Variants in GALNT2 observed in about 807,000 individuals in gnomAD.
GALNT2 encodes UDP-GalNAc:polypeptide N-acetylgalactosaminyltransferase 2.
In GALNT2, 31 loss-of-function variants were observed where a neutral mutation model predicts 81.4. The ratio of observed to expected loss-of-function variants is 0.38; its 90% CI spans 0.29 to 0.51. GALNT2 has a LOEUF of 0.51. Among genes scored for constraint, GALNT2 ranks in the 20% least tolerant of loss-of-function variants. The pLI is 0.87. For synonymous variants in GALNT2, 303 were observed against 287.4 expected, an observed-to-expected ratio of 1.05 and a Z score of -0.55; for missense variants, 629 against 765.7, an observed-to-expected ratio of 0.82 and a Z score of 2.11.
chr1:230,120,838 G>T (rs1457944883), intron 1 of GALNT2, among the ~76,000 whole-genome samples: 1 of 152,180 alleles, frequency 6.6e-6, no homozygotes, highest in Non-Finnish European at 1.5e-5. Context: ...TCTCAGGCTA[G>T]ATCATGTTGG....
chr1:230,165,508 T>C (rs557740923), intron 1 of GALNT2, among the ~76,000 whole-genome samples: 2 of 152,236 alleles, frequency 1.3e-5, no homozygotes, highest in East Asian at 1.9e-4. Flanking sequence ...TTTCTTGGCT[T>C]AAAGATTTTC....
chr1:230,254,516 A>G (rs754340895), intron 10 of GALNT2, among the ~76,000 whole-genome samples: 1 of 152,212 alleles, frequency 6.6e-6, no homozygotes, highest in Non-Finnish European at 1.5e-5. Context: ...TCCATAAGGC[A>G]GTCCCTAAGT....
At chr1:230,072,009 C>G (rs1314359176) in intron 1 of GALNT2, among the ~76,000 whole-genome samples, 2 of 152,080 alleles carry the variant, frequency 1.3e-5, no homozygotes, top group Non-Finnish European at 2.9e-5. Flanking sequence ...CTCTGTTGGA[C>G]CTTGGGGTGG....
At chr1:230,136,448 C>T (rs775804003) in intron 1 of GALNT2, among the ~76,000 whole-genome samples, 19 of 152,166 alleles carry the variant, frequency 1.2e-4, no homozygotes, top group Non-Finnish European at 2.1e-4. Context: ...TGTTTCAAAA[C>T]ACACATTCAT....
chr1:230,178,427 G>T, intron 2 of GALNT2, 116 bp downstream of exon 2: 1 of 703,380 alleles, frequency 1.4e-6, no homozygotes. Flanking sequence ...AGGTCAGCAG[G>T]AGACACCGCC....
At chr1:230,276,166 T>TAC (rs1281937571) in intron 15 of GALNT2, among the ~76,000 whole-genome samples, 5 of 151,656 alleles carry the variant, frequency 3.3e-5, no homozygotes, top group Admixed American at 6.6e-5. Flanking sequence ...TATACATATA[T>TAC]ACACACACAC....
chr1:230,192,611 T>C (rs1230875873), intron 2 of GALNT2, among the ~76,000 whole-genome samples: 1 of 152,240 alleles, frequency 6.6e-6, no homozygotes, highest in Non-Finnish European at 1.5e-5. Context: ...AGAAGAGATA[T>C]AGGATGATTC....
At chr1:230,179,095 T>C (rs944840082) in intron 2 of GALNT2, among the ~76,000 whole-genome samples, 9 of 149,594 alleles carry the variant, frequency 6.0e-5, no homozygotes, top group Non-Finnish European at 4.4e-5. Flanking sequence ...TATATTAATA[T>C]TTAATATATA....
At chr1:230,152,684 A>G (rs1000331978) in intron 1 of GALNT2, among the ~76,000 whole-genome samples, 1 of 152,226 alleles carries the variant, frequency 6.6e-6, no homozygotes, top group Non-Finnish European at 1.5e-5. Context: ...AGAAGCTATG[A>G]GAGAACTAGA....
intron 1 of GALNT2, among the ~76,000 whole-genome samples, chr1:230,164,682 C>T (rs937358742): frequency 6.6e-6 from 1 of 152,110 alleles, no homozygotes; most frequent in East Asian, 1.9e-4. Flanking sequence ...TACAGGCGCC[C>T]GCCACCACGC....
At chr1:230,168,081 T>G (rs1662671324) in intron 1 of GALNT2, among the ~76,000 whole-genome samples, 1 of 152,100 alleles carries the variant, frequency 6.6e-6, no homozygotes, top group South Asian at 2.1e-4. Flanking sequence ...AGAAGTGAGC[T>G]GCAGTTGAGA....
At chr1:230,132,229 C>T (rs921545935) in intron 1 of GALNT2, among the ~76,000 whole-genome samples, 32 of 152,200 alleles carry the variant, frequency 2.1e-4, no homozygotes, top group African/African-American at 6.3e-4. Context: ...CAACAGGGTC[C>T]TGGGAGTAAC....
In GALNT2 at chr1:230,185,581, T is replaced by C. The variant is rs562460143; in HGVS notation, c.220+7270T>C. ...AGTCTAGCAGAGGCTGGTTATTTCC[T>C]GTTCCTCAGATTGGACAGGCTCTGA... On this transcript the variant is annotated intron_variant, in intron 2 of 15. Coordinates refer to ENST00000366672, the MANE Select transcript of GALNT2 (RefSeq NM_004481.5). Among the ~76,000 whole-genome samples, 5 of 152,326 alleles carry C rather than the reference T, an allele frequency of 3.3e-5. No homozygotes were observed. In the East Asian group the frequency reaches 9.6e-4, roughly 29 times the overall value.
chr1:230,231,023 T>C (rs1664851466), intron 3 of GALNT2, among the ~76,000 whole-genome samples: 1 of 152,196 alleles, frequency 6.6e-6, no homozygotes, highest in Non-Finnish European at 1.5e-5. Flanking sequence ...CCTGAGCCCT[T>C]CTTGCAGGCC....
At chr1:230,166,802 G>T (rs1662618356) in intron 1 of GALNT2, among the ~76,000 whole-genome samples, 2 of 152,292 alleles carry the variant, frequency 1.3e-5, no homozygotes, top group South Asian at 4.1e-4. Flanking sequence ...GAAGATAAGG[G>T]GTAATTGCTG....
intron 13 of GALNT2, 36 bp from the exon 14 acceptor site, chr1:230,265,205 T>C: frequency 1.2e-6 from 2 of 1,613,830 alleles, no homozygotes. Flanking sequence ...GGTGGTCATG[T>C]GCAGTGAAGC....
intron 2 of GALNT2, among the ~76,000 whole-genome samples, chr1:230,201,859 A>G (rs2102706032): frequency 6.6e-6 from 1 of 152,258 alleles, no homozygotes; most frequent in East Asian, 1.9e-4. Flanking sequence ...TATCTGCTCA[A>G]AATCATCTTG....
intron 1 of GALNT2, among the ~76,000 whole-genome samples, chr1:230,168,522 G>A (rs1181557617): frequency 6.6e-6 from 1 of 152,128 alleles, no homozygotes; most frequent in African/African-American, 2.4e-5. Flanking sequence ...ATTTGTACCT[G>A]AGTTTTCTTG....
intron 3 of GALNT2, among the ~76,000 whole-genome samples, chr1:230,233,415 C>A (rs1664927763): frequency 6.6e-6 from 1 of 152,148 alleles, no homozygotes; most frequent in South Asian, 2.1e-4. Flanking sequence ...GAGTTCGAGA[C>A]CAGCCTGGCC....
Sources: allele counts gnomAD v4.1 joint callset (sites outside exome capture counted in the v4.1 genomes callset), GRCh38; gene constraint gnomAD v4.1.1; transcripts MANE v1.5; gene names NCBI Gene and HGNC (gene_info 2026-07-23, HGNC 2026-07-21).